The following PKN2 variants were observed in gnomAD, a reference collection of about 807,000 sequenced individuals.
PKN2 encodes the protein serine/threonine-protein kinase N2.
A neutral mutation model predicts 119.1 loss-of-function variants in PKN2; 38 were observed. The ratio of observed to expected loss-of-function variants is 0.32; its 90% CI spans 0.25 to 0.42. PKN2 has a LOEUF of 0.42. Ranked by LOEUF, PKN2 falls within the 10% of genes least tolerant of loss-of-function variation. The pLI is 1.00. For synonymous variants in PKN2, 390 were observed against 384.9 expected (o/e 1.01, Z -0.15); for missense variants, 850 against 1,165.1 (o/e 0.73, Z 3.94).
At chr1:88,711,469 T>A (rs1667233645) in intron 1 of PKN2, among the ~76,000 whole-genome samples, 1 of 152,164 alleles carries the variant, frequency 6.6e-6, no homozygotes, top group Admixed American at 6.6e-5. Flanking sequence ...GTAGATATGA[T>A]TTTTAATTAT....
At chr1:88,775,400 G>A (rs1264983432) in intron 6 of PKN2, among the ~76,000 whole-genome samples, 1 of 152,162 alleles carries the variant, frequency 6.6e-6, no homozygotes, top group East Asian at 1.9e-4. Context: ...TTAGTAATAT[G>A]CATTTAAGTT....
chr1:88,784,863 A>G (rs1191218551), intron 7 of PKN2, 39 bp downstream of exon 7: 5 of 1,307,488 alleles, frequency 3.8e-6, no homozygotes, highest in Middle Eastern at 1.9e-4. Context: ...GTAACAAACT[A>G]AAGTGCTTAT....
intron 1 of PKN2, among the ~76,000 whole-genome samples, chr1:88,708,640 A>C (rs1472820593): frequency 7.4e-6 from 1 of 134,462 alleles, no homozygotes; most frequent in Non-Finnish European, 1.6e-5. Context: ...TTTTTTTTTT[A>C]AAGTAGAGAT....
At chr1:88,757,305 A>T (rs1464934753) in intron 2 of PKN2, among the ~76,000 whole-genome samples, 1 of 152,184 alleles carries the variant, frequency 6.6e-6, no homozygotes, top group East Asian at 1.9e-4. Flanking sequence ...TTTACATCCT[A>T]GCCTAGTATC....
chr1:88,780,042 G>A lies in PKN2; in HGVS notation c.986-4597G>A, dbSNP rs562996757. ...GCTACATTCCTTTCAGTGATGTTGT[G>A]TATTTATGAAGCTGGGTTTTCCTCA... is the stretch of plus-strand genomic sequence containing the variant. On this transcript the variant is annotated intron_variant, in intron 6 of 21. Coordinates refer to ENST00000370521, the MANE Select transcript of PKN2 (RefSeq NM_006256.4). Among the ~76,000 whole-genome samples the A allele has an allele frequency of 7.9e-5, 12 of 152,162 alleles. No homozygotes were observed. In the South Asian group the frequency reaches 2.1e-3, roughly 26 times the overall value.
Position 88,833,505 on chromosome 1 carries a change from A to G in PKN2, c.*57A>G, listed in dbSNP as rs774156769. 62 of 1,362,030 alleles carry G rather than the reference A, an allele frequency of 4.6e-5. No homozygotes were observed. The highest frequency in any genetic ancestry group is 6.1e-5 in the Non-Finnish European group (59 of 959,406). 84.4% of individuals were successfully genotyped at this position (1,362,030 alleles called of 1,614,324 possible). On this transcript the variant is annotated 3_prime_UTR_variant, in exon 22 of 22. Coordinates refer to ENST00000370521, the MANE Select transcript of PKN2 (RefSeq NM_006256.4). ...ACAAGAAGACCTCTTAAAAATAGCA[A>G]CCCTTCATTTGCTCTCTGTGCCACC...
intron 2 of PKN2, among the ~76,000 whole-genome samples, chr1:88,754,555 GC>G (rs2100770232): frequency 6.6e-6 from 1 of 152,280 alleles, no homozygotes; most frequent in Admixed American, 6.5e-5. Flanking sequence ...GAAAACAATC[GC>G]ATTTTATTAG....
chr1:88,779,728 G>A (rs557452906), intron 6 of PKN2, among the ~76,000 whole-genome samples: 27 of 152,188 alleles, frequency 1.8e-4, no homozygotes, highest in South Asian at 6.2e-4. Context: ...ATCACATTCC[G>A]GTTGTTAAAG....
chr1:88,692,757 T>A (rs1431854558), intron 1 of PKN2, among the ~76,000 whole-genome samples: 1 of 152,260 alleles, frequency 6.6e-6, no homozygotes. Context: ...ATCCTCTGTG[T>A]ACATTGTGAA....
At chr1:88,831,871 A>AT (rs1048142083) in intron 19 of PKN2, among the ~76,000 whole-genome samples, 1 of 152,044 alleles carries the variant, frequency 6.6e-6, no homozygotes, top group Non-Finnish European at 1.5e-5. Flanking sequence ...TGACTGAGTG[A>AT]TTTTTAAGCC....
Position 88,684,633 on chromosome 1 carries a change from G to C in PKN2, c.48+5G>C. On this transcript the variant is annotated splice_donor_5th_base_variant and intron_variant, in intron 1 of 21. Transcript: ENST00000370521. The stretch of plus-strand genomic sequence containing the variant: ...ATTCTGCTCACGGAACTGCAGGTAA[G>C]GGCCGCGGCCCTGGTGAGAGGCGCT... 1.3e-6 allele frequency: 2 copies of C among 1,552,780 alleles called. No homozygotes were observed. Among genetic ancestry groups the C allele is most frequent in the Non-Finnish European group, 1.7e-6 (2 of 1,150,270 alleles).
intron 1 of PKN2, among the ~76,000 whole-genome samples, chr1:88,737,498 G>T (rs1668401510): frequency 6.6e-6 from 1 of 152,164 alleles, no homozygotes; most frequent in African/African-American, 2.4e-5. Context: ...AGGGTTGGAA[G>T]AAGAATAATG....
chr1:88,728,850 A>C (rs1464883605), intron 1 of PKN2, among the ~76,000 whole-genome samples: 1 of 151,106 alleles, frequency 6.6e-6, no homozygotes, highest in African/African-American at 2.4e-5. Context: ...TTTTCCCCCC[A>C]CAAGTCTATA....
intron 8 of PKN2, among the ~76,000 whole-genome samples, chr1:88,799,317 C>G (rs1369362090): frequency 1.3e-5 from 2 of 152,188 alleles, no homozygotes; most frequent in Non-Finnish European, 2.9e-5. Context: ...TTCTCATCCT[C>G]CCATATGATC....
At chr1:88,800,505 G>A (rs1315336315) in intron 8 of PKN2, among the ~76,000 whole-genome samples, 1 of 152,002 alleles carries the variant, frequency 6.6e-6, no homozygotes, top group African/African-American at 2.4e-5. Context: ...AGCAAAGATG[G>A]GTTTATGACA....
At chr1:88,692,261 T>C (rs1666366398) in intron 1 of PKN2, among the ~76,000 whole-genome samples, 1 of 152,192 alleles carries the variant, frequency 6.6e-6, no homozygotes, top group South Asian at 2.1e-4. Flanking sequence ...TTATCCACTC[T>C]CCCTTGTTGG....
At chr1:88,723,216 C>T (rs1667759872) in intron 1 of PKN2, among the ~76,000 whole-genome samples, 2 of 151,552 alleles carry the variant, frequency 1.3e-5, no homozygotes, top group Admixed American at 6.6e-5. Context: ...CGGGTTCAAG[C>T]GATTCTCCTG....
chr1:88,792,138 C>T (rs1167932351), intron 8 of PKN2, among the ~76,000 whole-genome samples: 3 of 152,186 alleles, frequency 2.0e-5, no homozygotes, highest in Admixed American at 1.3e-4. Context: ...GGTGCGTTGG[C>T]TCACGCCTGT....
At chr1:88,796,019 C>T (rs922158298) in intron 8 of PKN2, among the ~76,000 whole-genome samples, 5 of 152,278 alleles carry the variant, frequency 3.3e-5, no homozygotes, top group East Asian at 3.9e-4. Context: ...TAAGATTTAA[C>T]CTATTTGTTC....
Sources: allele counts gnomAD v4.1 joint callset (sites outside exome capture counted in the v4.1 genomes callset), GRCh38; gene constraint gnomAD v4.1.1; transcripts MANE v1.5; gene names NCBI Gene and HGNC (gene_info 2026-07-23, HGNC 2026-07-21).